MEGF9: variants seen among roughly 807,000 people sequenced by gnomAD.
The protein encoded by MEGF9 is multiple epidermal growth factor-like domains protein 9.
Under a neutral mutation model 46.8 loss-of-function variants are expected in MEGF9, and 6 were observed. The observed-to-expected ratio is 0.13, with a 90% CI of 0.07 to 0.25. MEGF9 has a LOEUF of 0.25. Among genes scored for constraint, MEGF9 ranks in the 10% least tolerant of loss-of-function variants. MEGF9 has a pLI of 1.00. For synonymous variants in MEGF9, 302 were observed against 330.7 expected, an observed-to-expected ratio of 0.91 and a Z score of 0.94; for missense variants, 683 against 792.4, an observed-to-expected ratio of 0.86 and a Z score of 1.66.
At position 120,714,327 on chromosome 9, in the gene MEGF9, C is replaced by T. The variant is rs796605072; in HGVS notation, c.32G>A (p.Ser11Asn). 1.5e-5 allele frequency: 20 copies of T among 1,346,172 alleles called. No individual in the cohort carries two copies. Among genetic ancestry groups the T allele is most frequent in the African/African-American group, 3.1e-5 (2 of 65,352 alleles). 83.4% of individuals were successfully genotyped at this position (1,346,172 alleles called of 1,614,324 possible). A position where few individuals can be genotyped will look rare whatever the true frequency, so the allele number is the denominator to read the frequency against. The change falls in exon 1 of 6, where the codon AGC becomes AAC. Residue 11 changes from serine (S) to asparagine (N), a missense_variant. By Grantham distance (46) the Ser-to-Asn change is conservative. Coordinates refer to ENST00000373930, the MANE Select transcript of MEGF9 (RefSeq NM_001080497.3). MNGGAERAMR[S>N]LPSLGGLALL... is the part of the protein sequence containing the mutation. ...GGCGAGGCCGCCCAGGCTCGGCAGG[C>T]TCCTCATGGCGCGCTCGGCTCCGCC...
Position 120,605,012 on chromosome 9 carries a change from A to G in MEGF9, c.*178T>C. 1 of 630,158 alleles carries G rather than the reference A, an allele frequency of 1.6e-6. No homozygotes were observed. The highest frequency in any genetic ancestry group is 4.3e-4 in the Middle Eastern group (1 of 2,346). 39.0% of individuals were successfully genotyped at this position (630,158 alleles called of 1,614,324 possible). A position where few individuals can be genotyped will look rare whatever the true frequency, so the allele number is the denominator to read the frequency against. On this transcript the variant is annotated 3_prime_UTR_variant, in exon 6 of 6. Transcript: ENST00000373930. This position sits in a 1 kb window ranked among gnomAD's most constrained non-coding sequence, Gnocchi z 4.0. ...ATGACAGTGAACGCTTCAGATCTTCATGGGAAAACTAAGAGCAATAGATAG... is the reference window on the plus strand; with the variant it reads ...ATGACAGTGAACGCTTCAGATCTTCGTGGGAAAACTAAGAGCAATAGATAG...
chr9:120,624,590 G>C (rs184192670), intron 2 of MEGF9, among the ~76,000 whole-genome samples: 1 of 152,102 alleles, frequency 6.6e-6, no homozygotes, highest in Admixed American at 6.5e-5. Flanking sequence ...AATATAGGCC[G>C]GGCGTGGTGG....
At chr9:120,622,780 A>T in intron 2 of MEGF9, 25 bp from the exon 3 acceptor site, 1 of 1,610,550 alleles carries the variant, frequency 6.2e-7, no homozygotes, top group Non-Finnish European at 8.5e-7. Flanking sequence ...AAAGACAATG[A>T]ATAAAAGTAA....
At chr9:120,643,798 G>A (rs115688511) in intron 2 of MEGF9, among the ~76,000 whole-genome samples, 270 of 151,362 alleles carry the variant, frequency 1.8e-3, no homozygotes, top group African/African-American at 6.1e-3. Flanking sequence ...GGGCTCACGC[G>A]ATCCTCCTAC....
At chr9:120,619,852 A>G (rs1465978193) in intron 3 of MEGF9, among the ~76,000 whole-genome samples, 3 of 152,224 alleles carry the variant, frequency 2.0e-5, no homozygotes, top group African/African-American at 4.8e-5. Context: ...TTGAAAATCT[A>G]CTTCAATCTA....
intron 3 of MEGF9, among the ~76,000 whole-genome samples, chr9:120,615,483 T>C (rs1035985352): frequency 2.6e-4 from 40 of 152,142 alleles, no homozygotes; most frequent in African/African-American, 9.4e-4. Context: ...TCCAGAAGAA[T>C]TTTTTATTTG....
chr9:120,637,487 T>TAA (rs1160112596), intron 2 of MEGF9, among the ~76,000 whole-genome samples: 5 of 142,744 alleles, frequency 3.5e-5, no homozygotes, highest in African/African-American at 7.7e-5. Flanking sequence ...TATTCTGCTT[T>TAA]AAAAAAAAAA....
chr9:120,675,293 T>C (rs1302715181), intron 1 of MEGF9, among the ~76,000 whole-genome samples: 13 of 152,186 alleles, frequency 8.5e-5, no homozygotes, highest in Non-Finnish European at 1.9e-4. Flanking sequence ...ATCTATTAAG[T>C]GGACCTAGTC....
At chr9:120,684,904 G>C (rs1225000889) in intron 1 of MEGF9, among the ~76,000 whole-genome samples, 3 of 151,682 alleles carry the variant, frequency 2.0e-5, no homozygotes, top group Admixed American at 6.6e-5. Flanking sequence ...CACGATCTCG[G>C]CTCACTGCAA....
At chr9:120,666,107 A>G (rs138620726) in intron 1 of MEGF9, among the ~76,000 whole-genome samples, 9 of 152,126 alleles carry the variant, frequency 5.9e-5, no homozygotes, top group African/African-American at 2.2e-4. Context: ...GGTTTTTTTT[A>G]AAATTTCTGT....
chr9:120,700,691 A>T (rs1245420176), intron 1 of MEGF9, among the ~76,000 whole-genome samples: 1 of 152,182 alleles, frequency 6.6e-6, no homozygotes, highest in African/African-American at 2.4e-5. Context: ...ATAGGACTTA[A>T]GAGAATCTAA....
chr9:120,713,651 G>T, intron 1 of MEGF9, 107 bp downstream of exon 1: 1 of 1,230,438 alleles, frequency 8.1e-7, no homozygotes, highest in Non-Finnish European at 1.0e-6. Context: ...CCGGAACCTG[G>T]GGTGTCTTTG....
chr9:120,686,753 C>G (rs948641193), intron 1 of MEGF9, among the ~76,000 whole-genome samples: 2 of 152,172 alleles, frequency 1.3e-5, no homozygotes, highest in African/African-American at 4.8e-5. Context: ...TTGCTGTGAG[C>G]CTCAGCTCCC....
intron 1 of MEGF9, among the ~76,000 whole-genome samples, chr9:120,679,364 T>C (rs1433875268): frequency 6.6e-6 from 1 of 150,918 alleles, no homozygotes; most frequent in East Asian, 2.0e-4. Context: ...CTGAGCAAAC[T>C]ATCACAAGGA....
intron 1 of MEGF9, among the ~76,000 whole-genome samples, chr9:120,696,904 G>A (rs1321970650): frequency 4.6e-5 from 7 of 152,178 alleles, no homozygotes; most frequent in African/African-American, 1.7e-4. Flanking sequence ...ATGTAATCTA[G>A]TTGGAAAACA....
chr9:120,689,843 C>G (rs2043840482), intron 1 of MEGF9: 11 of 468,132 alleles, frequency 2.3e-5, no homozygotes, highest in South Asian at 1.7e-4. Context: ...ATGCTCTTCT[C>G]TAAGACAGCA....
chr9:120,635,456 A>G (rs1475196985), intron 2 of MEGF9, among the ~76,000 whole-genome samples: 1 of 152,058 alleles, frequency 6.6e-6, no homozygotes, highest in African/African-American at 2.4e-5. Context: ...ATACTTGTTC[A>G]CTTAATGGTG....
chr9:120,692,800 C>A (rs1299137086), intron 1 of MEGF9, among the ~76,000 whole-genome samples: 3 of 152,160 alleles, frequency 2.0e-5, no homozygotes, highest in Non-Finnish European at 4.4e-5. Context: ...TCCTTCCCCT[C>A]TTCTACCTGA....
At chr9:120,665,635 A>G (rs906780888) in intron 1 of MEGF9, among the ~76,000 whole-genome samples, 2 of 152,220 alleles carry the variant, frequency 1.3e-5, no homozygotes, top group Non-Finnish European at 2.9e-5. Flanking sequence ...GTTTCCACAA[A>G]TAGCAGGATT....
Sources: allele counts gnomAD v4.1 joint callset (sites outside exome capture counted in the v4.1 genomes callset), GRCh38; gene constraint gnomAD v4.1.1; non-coding constraint Gnocchi (gnomAD v3.1); transcripts MANE v1.5; gene names NCBI Gene and HGNC (gene_info 2026-07-23, HGNC 2026-07-21).